The following RAD18 variants were observed in gnomAD, a reference collection of about 807,000 sequenced individuals.
The protein encoded by RAD18 is RAD18 E3 ubiquitin protein ligase, also known as E3 ubiquitin-protein ligase RAD18.
Under a neutral mutation model 60.4 loss-of-function variants are expected in RAD18, and 47 were observed. The ratio of observed to expected loss-of-function variants is 0.78; its 90% confidence interval spans 0.62 to 0.99. The LOEUF is 0.99. Ranked by LOEUF, RAD18 falls within the 50% of genes least tolerant of loss-of-function variation. The probability of loss-of-function intolerance (pLI) is 0.00; values close to 1 mark genes in which losing one functional copy is unlikely to be tolerated. For missense variants in RAD18, 640 were observed against 593.3 expected, an observed-to-expected ratio of 1.08 and a Z score of -0.82; for synonymous variants, 225 against 195.5, an observed-to-expected ratio of 1.15 and a Z score of -1.26.
chr3:8,918,281 G>GCA (rs1440365721), intron 7 of RAD18, among the ~76,000 whole-genome samples: 2 of 128,464 alleles, frequency 1.6e-5, no homozygotes, highest in East Asian at 4.6e-4. Flanking sequence ...TGGTGCCATT[G>GCA]CACTCCAGCC....
chr3:8,949,452 A>G (rs1940893786), intron 2 of RAD18, among the ~76,000 whole-genome samples: 1 of 152,188 alleles, frequency 6.6e-6, no homozygotes, highest in Admixed American at 6.5e-5. Context: ...AGGAAAAACA[A>G]AGAAACATAT....
intron 7 of RAD18, among the ~76,000 whole-genome samples, chr3:8,927,416 G>A (rs1169539915): frequency 2.6e-5 from 4 of 152,340 alleles, no homozygotes; most frequent in Non-Finnish European, 1.5e-5. Context: ...AACAACAGGT[G>A]CTGGAGAGGA....
chr3:8,937,411 G>A (rs933594542), intron 6 of RAD18, among the ~76,000 whole-genome samples: 1 of 152,124 alleles, frequency 6.6e-6, no homozygotes. Context: ...CCCCAAACAC[G>A]AAAATGACAT....
chr3:8,890,323 C>A, intron 12 of RAD18, 66 bp downstream of exon 12: 1 of 1,254,874 alleles, frequency 8.0e-7, no homozygotes, highest in South Asian at 1.2e-5. Flanking sequence ...GTTTGAAAAT[C>A]AGCTGCATAG....
At chr3:8,915,387 GAAGA>G (rs1197735020) in intron 7 of RAD18, among the ~76,000 whole-genome samples, 2 of 152,110 alleles carry the variant, frequency 1.3e-5, no homozygotes, top group Admixed American at 1.3e-4. Flanking sequence ...GAGTGCCTTA[GAAGA>G]GAGAGGGATC....
intron 2 of RAD18, among the ~76,000 whole-genome samples, chr3:8,953,239 C>T (rs1302627964): frequency 6.7e-6 from 1 of 150,144 alleles, no homozygotes; most frequent in South Asian, 2.1e-4. Context: ...TGTAATTGTA[C>T]CTATATAAGT....
At position 8,947,275 on chromosome 3, in the gene RAD18, C is replaced by A; in HGVS notation, c.211G>T (p.Asp71Tyr). Residue 71 changes from aspartate to tyrosine, a missense_variant, in exon 4 of 13, where the codon GAT (aspartate) becomes TAT (tyrosine). Coordinates refer to ENST00000264926, the MANE Select transcript of RAD18 (RefSeq NM_020165.4). ...TCTAATATGCGGTTATTTTTCAGATCCGGCTCTGTGACAGTCTAGAAAAAA... is the reference window on the plus strand; with the variant it reads ...TCTAATATGCGGTTATTTTTCAGATACGGCTCTGTGACAGTCTAGAAAAAA... ...PTCCVTVTEP[D>Y]LKNNRILDEL... 1 of 1,609,586 alleles carries A rather than the reference C, an allele frequency of 6.2e-7. No individual in the cohort carries two copies. Among genetic ancestry groups the A allele is most frequent in the Non-Finnish European group, 8.5e-7 (1 of 1,176,492 alleles).
chr3:8,924,916 TA>T (rs1489161589), intron 7 of RAD18, among the ~76,000 whole-genome samples: 1 of 151,948 alleles, frequency 6.6e-6, no homozygotes, highest in Admixed American at 6.6e-5. Context: ...AAGCAGTGTG[TA>T]GGGGGAAATT....
intron 7 of RAD18, among the ~76,000 whole-genome samples, chr3:8,929,380 T>C (rs771965816): frequency 2.0e-5 from 3 of 152,102 alleles, no homozygotes; most frequent in East Asian, 1.9e-4. Flanking sequence ...ATTTTCAGTA[T>C]AGAAAATGAA....
At chr3:8,961,999 A>C (rs1417917807) in intron 1 of RAD18, among the ~76,000 whole-genome samples, 4 of 152,232 alleles carry the variant, frequency 2.6e-5, no homozygotes, top group Non-Finnish European at 5.9e-5. Flanking sequence ...TAATAATAAT[A>C]AAATATATTC....
At chr3:8,912,767 C>T (rs1940125356) in intron 8 of RAD18, among the ~76,000 whole-genome samples, 1 of 152,114 alleles carries the variant, frequency 6.6e-6, no homozygotes, top group Non-Finnish European at 1.5e-5. Flanking sequence ...AATCTAACTT[C>T]TCCAGGTCAT....
intron 2 of RAD18, among the ~76,000 whole-genome samples, chr3:8,951,850 G>C (rs1231127863): frequency 6.6e-6 from 1 of 152,196 alleles, no homozygotes; most frequent in Non-Finnish European, 1.5e-5. Flanking sequence ...AAAAGTCCAA[G>C]ATCAAGGTGC....
chr3:8,925,238 G>T (rs189587907), intron 7 of RAD18, among the ~76,000 whole-genome samples: 4,967 of 152,046 alleles, frequency 0.033, 251 homozygotes, highest in East Asian at 0.21. Flanking sequence ...TATCACCACC[G>T]ATCCCACAGA....
rs1440236462 is a variant in RAD18 at position 8,890,510 on chromosome 3, A to C, written c.1323-59T>G. 14 of 1,283,794 alleles carry C rather than the reference A, an allele frequency of 1.1e-5. No individual in the cohort carries two copies. In the East Asian group the frequency reaches 3.2e-4, roughly 30 times the overall value. 79.5% of individuals were successfully genotyped at this position (1,283,794 alleles called of 1,614,324 possible). A position where few individuals can be genotyped will look rare whatever the true frequency, so the allele number is the denominator to read the frequency against. ...ACAAGAAGACTGTATCGTCCCATTTATATAAAATTCTAGAAAAAAACAAAT... is the reference window on the plus strand; with the variant it reads ...ACAAGAAGACTGTATCGTCCCATTTCTATAAAATTCTAGAAAAAAACAAAT... On this transcript the variant is annotated intron_variant, in intron 11 of 12. Coordinates refer to ENST00000264926, the MANE Select transcript of RAD18 (RefSeq NM_020165.4).
chr3:8,931,301 C>A (rs959782284), intron 7 of RAD18, among the ~76,000 whole-genome samples: 3 of 152,054 alleles, frequency 2.0e-5, no homozygotes, highest in Non-Finnish European at 4.4e-5. Flanking sequence ...ATACATTTAA[C>A]AAAATACATG....
chr3:8,935,197 G>A (rs1940627621), intron 7 of RAD18, among the ~76,000 whole-genome samples: 1 of 152,144 alleles, frequency 6.6e-6, no homozygotes, highest in Non-Finnish European at 1.5e-5. Context: ...GTGTTTTAAT[G>A]TTTGCATGTT....
At position 8,877,300 on chromosome 3, in the gene RAD18, A is replaced by C. The variant is rs1201354304; in HGVS notation, c.*4057T>G. 14 of 153,588 alleles carry C rather than the reference A, an allele frequency of 9.1e-5. 1 individual carries two copies. The allele number at this position is 153,588 out of a possible 1,614,324, so 9.5% of individuals were successfully genotyped here. ...TGGTGAGGACTGCTCTCTGCTTCCA[A>C]GATGGTGTGTTGTTGCTGAGTCCTC... On this transcript the variant is annotated 3_prime_UTR_variant, in exon 13 of 13. Coordinates refer to ENST00000264926, the MANE Select transcript of RAD18 (RefSeq NM_020165.4).
intron 6 of RAD18, 121 bp from the exon 7 acceptor site, chr3:8,936,176 T>A: frequency 1.0e-6 from 1 of 956,622 alleles, no homozygotes; most frequent in Non-Finnish European, 1.5e-6. Flanking sequence ...ACCATTAGAT[T>A]AAAAAGGGGA....
chr3:8,958,847 C>T (rs1485929818), intron 2 of RAD18, 73 bp downstream of exon 2: 2 of 1,161,792 alleles, frequency 1.7e-6, no homozygotes, highest in African/African-American at 1.5e-5. Flanking sequence ...GTGCACATAT[C>T]TTTGGTGTTA....
Sources: allele counts gnomAD v4.1 joint callset (sites outside exome capture counted in the v4.1 genomes callset), GRCh38; gene constraint gnomAD v4.1.1; transcripts MANE v1.5; gene names NCBI Gene and HGNC (gene_info 2026-07-23, HGNC 2026-07-21).